The following PKP2 variants were observed in gnomAD, a reference collection of about 807,000 sequenced individuals.
PKP2 encodes plakophilin 2.
PKP2 carries 73 observed loss-of-function variants against 83.4 expected under a neutral mutation model. The observed-to-expected ratio is 0.88, with a 90% CI of 0.72 to 1.06. The LOEUF is 1.06. PKP2 is among the 50% of genes least tolerant of loss of function. The probability of loss-of-function intolerance (pLI) is 0.00; values close to 1 mark genes in which losing one functional copy is unlikely to be tolerated. For synonymous variants in PKP2, 409 were observed against 430.4 expected (o/e 0.95, Z 0.62); for missense variants, 966 against 1,065.4 (o/e 0.91, Z 1.30).
intron 3 of PKP2, among the ~76,000 whole-genome samples, chr12:32,873,036 G>A (rs1956907202): frequency 6.6e-6 from 1 of 152,194 alleles, no homozygotes; most frequent in Non-Finnish European, 1.5e-5. Flanking sequence ...GTCAATCCTA[G>A]AGAAGATCCA....
intron 10 of PKP2, among the ~76,000 whole-genome samples, chr12:32,799,019 A>G (rs1204944371): frequency 6.6e-6 from 1 of 152,232 alleles, no homozygotes. Flanking sequence ...ACTGCATTCG[A>G]CAAAGGACTA....
intron 6 of PKP2, among the ~76,000 whole-genome samples, chr12:32,832,614 T>C (rs1032327935): frequency 6.6e-6 from 1 of 152,192 alleles, no homozygotes; most frequent in Admixed American, 6.5e-5. Flanking sequence ...TTCAGTTGTC[T>C]TTCTATTTTT....
rs139924723 is a variant in PKP2 at position 32,896,538 on chromosome 12, G to A, written c.194C>T (p.Ala65Val). The change falls in exon 1 of 13, where the codon GCC becomes GTC. Residue 65 changes from alanine to valine, a missense_variant. Coordinates refer to ENST00000340811, the MANE Select transcript of PKP2 (RefSeq NM_001005242.3). ...GCCCACGGAGCTGCGGCCCTTCCGG[G>A]CGAGGGTCTGCTGCACCTGCTCCTG... The part of the protein sequence containing the change: ...RIQEQVQQTL[A>V]RKGRSSVGNG... 25 of 1,573,720 alleles carry A rather than the reference G, an allele frequency of 1.6e-5. No homozygotes were observed. In the African/African-American group the frequency reaches 3.0e-4, roughly 19 times the overall value.
intron 9 of PKP2, among the ~76,000 whole-genome samples, chr12:32,804,473 C>T (rs138379437): frequency 6.6e-6 from 1 of 152,082 alleles, no homozygotes; most frequent in East Asian, 1.9e-4. Context: ...CCCAACAGGC[C>T]CCAGTGTGTG....
At chr12:32,816,401 T>C (rs1956319793) in intron 9 of PKP2, among the ~76,000 whole-genome samples, 2 of 152,186 alleles carry the variant, frequency 1.3e-5, no homozygotes, top group African/African-American at 2.4e-5. Flanking sequence ...TCCATGTTGC[T>C]GCAAAGGACA....
Position 32,896,737 on chromosome 12 carries a change from C to A in PKP2, c.-6G>T. 2.9e-6 allele frequency: 4 copies of A among 1,403,102 alleles called. No homozygotes were observed. In the South Asian group the frequency reaches 4.2e-5, roughly 15 times the overall value. The allele number at this position is 1,403,102 out of a possible 1,614,324, so 86.9% of individuals were successfully genotyped here. On this transcript the variant is annotated 5_prime_UTR_variant, in exon 1 of 13. Coordinates refer to ENST00000340811, the MANE Select transcript of PKP2 (RefSeq NM_001005242.3). The stretch of plus-strand genomic sequence containing the variant: ...GGGGCGCCGGGGGCTGCCATGGGGC[C>A]GGTGGGGGCGACCGAGCTGCTCGCC...
chr12:32,890,029 T>C (rs1306155073), intron 1 of PKP2, among the ~76,000 whole-genome samples: 2 of 145,318 alleles, frequency 1.4e-5, no homozygotes, highest in East Asian at 4.0e-4. Flanking sequence ...TGAGCCGAGA[T>C]TGTGCCACCG....
At chr12:32,808,649 C>T (rs1320006933) in intron 9 of PKP2, among the ~76,000 whole-genome samples, 1 of 152,168 alleles carries the variant, frequency 6.6e-6, no homozygotes, top group Non-Finnish European at 1.5e-5. Flanking sequence ...TCTTTCTCAT[C>T]TTTGTGGGCT....
intron 7 of PKP2, among the ~76,000 whole-genome samples, chr12:32,823,422 CA>C (rs34680115): frequency 0.42 from 35,386 of 83,958 alleles, 4,127 homozygotes; most frequent in Middle Eastern, 0.53. Context: ...ACTCTGCCTC[CA>C]AAAAAAAAAA....
Position 32,845,289 on chromosome 12 carries a change from T to C in PKP2, c.1379-4084A>G, listed in dbSNP as rs111901833. On this transcript the variant is annotated intron_variant, in intron 5 of 12. Coordinates refer to ENST00000340811, the MANE Select transcript of PKP2 (RefSeq NM_001005242.3). ...GACCTCGGCTGGGCGCGGTGGCTCA[T>C]GCCTGTAATCCCAGCACTCTGGGAG... is the stretch of plus-strand genomic sequence containing the variant. Among the ~76,000 whole-genome samples, 643 of 152,256 alleles carry C rather than the reference T, an allele frequency of 4.2e-3. 2 individuals carry two copies. Among genetic ancestry groups the C allele is most frequent in the Non-Finnish European group, 6.7e-3 (459 of 68,012 alleles).
At chr12:32,835,542 GA>G (rs1956538240) in intron 6 of PKP2, among the ~76,000 whole-genome samples, 2 of 49,720 alleles carry the variant, frequency 4.0e-5, no homozygotes, top group Admixed American at 4.8e-4. Context: ...AGAAAAAGAG[GA>G]AAAAAAGAAA....
At chr12:32,806,761 T>C (rs1428113986) in intron 9 of PKP2, among the ~76,000 whole-genome samples, 1 of 151,902 alleles carries the variant, frequency 6.6e-6, no homozygotes, top group Non-Finnish European at 1.5e-5. Flanking sequence ...TGGGGTTTGT[T>C]TGGTCTGGTT....
At chr12:32,889,852 G>A (rs548376415) in intron 1 of PKP2, among the ~76,000 whole-genome samples, 2 of 152,090 alleles carry the variant, frequency 1.3e-5, no homozygotes, top group South Asian at 2.1e-4. Flanking sequence ...AGGCCGAGGC[G>A]GGTGGATCGG....
Position 32,855,773 on chromosome 12 carries a change from C to CAAAAAAAAAAAAAAA in PKP2, c.1171-4815_1171-4801dup, listed in dbSNP as rs11431590. Among the ~76,000 whole-genome samples, 404 of 46,804 alleles carry CAAAAAAAAAAAAAAA rather than the reference C, an allele frequency of 8.6e-3. 45 individuals are homozygous for CAAAAAAAAAAAAAAA. Among genetic ancestry groups the CAAAAAAAAAAAAAAA allele is most frequent in the African/African-American group, 0.041 (382 of 9,394 alleles). The allele number at this position is 46,804 out of a possible 152,430, so 30.7% of individuals were successfully genotyped here. A position where few individuals can be genotyped will look rare whatever the true frequency, so the allele number is the denominator to read the frequency against. On this transcript the variant is annotated intron_variant, in intron 4 of 12. Transcript: ENST00000340811. Reference sequence around the variant, plus strand: ...CCTGGGCGACAGAGAGACTCCATCTCAAAAAAAAAAAAAAAAAAAAAAGGA... The same window carrying CAAAAAAAAAAAAAAA: ...CCTGGGCGACAGAGAGACTCCATCTCAAAAAAAAAAAAAAAAAAAAAAAAAAAAAAAAAAAAAGGA...
chr12:32,812,836 T>C (rs1956288586), intron 9 of PKP2, among the ~76,000 whole-genome samples: 2 of 152,198 alleles, frequency 1.3e-5, no homozygotes, highest in South Asian at 4.1e-4. Flanking sequence ...AACTCATCAC[T>C]ATTTCCATAC....
intron 10 of PKP2, among the ~76,000 whole-genome samples, chr12:32,797,111 G>A (rs1956133096): frequency 1.3e-5 from 2 of 151,926 alleles, no homozygotes; most frequent in Non-Finnish European, 2.9e-5. Context: ...TGTTAATAGT[G>A]TATGTGAAAA....
At chr12:32,868,868 T>C in intron 4 of PKP2, 59 bp downstream of exon 4, 1 of 1,559,642 alleles carries the variant, frequency 6.4e-7, no homozygotes, top group Non-Finnish European at 8.8e-7. Flanking sequence ...GTGTGCAAAG[T>C]CACCATAATA....
chr12:32,835,675 G>A (rs1428841345), intron 6 of PKP2, among the ~76,000 whole-genome samples: 1 of 152,198 alleles, frequency 6.6e-6, no homozygotes, highest in Non-Finnish European at 1.5e-5. Flanking sequence ...AGAGAAATAT[G>A]CCTGTACCTT....
At position 32,792,308 on chromosome 12, in the gene PKP2, G is replaced by A. The variant is rs987088259; in HGVS notation, c.*116C>T. ...TTGTTTTCTGGATTCAGGGGACCAC[G>A]GAAATAGAGAAGGATAGAAACAAGG... On this transcript the variant is annotated 3_prime_UTR_variant, in exon 13 of 13. Coordinates refer to ENST00000340811, the MANE Select transcript of PKP2 (RefSeq NM_001005242.3). 2.8e-5 allele frequency: 22 copies of A among 797,042 alleles called. No homozygotes were observed. The highest frequency in any genetic ancestry group is 1.5e-4 in the Admixed American group (8 of 53,998). The allele number at this position is 797,042 out of a possible 1,614,324, so 49.4% of individuals were successfully genotyped here.
Sources: allele counts gnomAD v4.1 joint callset (sites outside exome capture counted in the v4.1 genomes callset), GRCh38; gene constraint gnomAD v4.1.1; transcripts MANE v1.5; gene names NCBI Gene and HGNC (gene_info 2026-07-23, HGNC 2026-07-21).